Variants in SASH1 observed in about 807,000 individuals in gnomAD.
SASH1 encodes SAM and SH3 domain containing 1, also known as SAM and SH3 domain-containing protein 1.
Under a neutral mutation model 125.2 loss-of-function variants are expected in SASH1, and 44 were observed. The observed-to-expected ratio is 0.35, with a 90% CI of 0.28 to 0.45. The LOEUF (loss-of-function observed/expected upper bound fraction) is 0.45. Ranked by LOEUF, SASH1 falls within the 20% of genes least tolerant of loss-of-function variation. The probability of loss-of-function intolerance (pLI) is 1.00; values close to 1 mark genes in which losing one functional copy is unlikely to be tolerated. For missense variants in SASH1, 1,426 were observed against 1,614.5 expected (o/e 0.88, Z 2.00); for synonymous variants, 639 against 649.1 (o/e 0.98, Z 0.24).
At chr6:148,273,557 G>C (rs1299792263) in intron 1 of SASH1, among the ~76,000 whole-genome samples, 1 of 151,346 alleles carries the variant, frequency 6.6e-6, no homozygotes, top group Non-Finnish European at 1.5e-5. Flanking sequence ...GCCTCCCAAA[G>C]TGCTGGGATT....
chr6:148,437,135 G>A (rs984117620), intron 2 of SASH1, among the ~76,000 whole-genome samples: 2 of 152,154 alleles, frequency 1.3e-5, no homozygotes, highest in Non-Finnish European at 2.9e-5. Flanking sequence ...TTACTCTTCT[G>A]CTCTTTTGTC....
In SASH1 at chr6:148,311,027, C is replaced by T. The variant is rs140193271; in HGVS notation, n.74+38650C>T. ...CTCCTGGGCTCAAGTGATCCTCCGG[C>T]CTCAGCCTCCTGAATAGCTGGGATT... On this transcript the variant is annotated intron_variant and non_coding_transcript_variant, in intron 1 of 3. Coordinates refer to the SASH1 transcript ENST00000367469. Among the ~76,000 whole-genome samples, 16 of 152,254 alleles carry T rather than the reference C, an allele frequency of 1.1e-4. No homozygotes were observed. The East Asian group carries it at 3.1e-3, about 29-fold the overall frequency.
chr6:148,354,732 C>T (rs1314256575), intron 1 of SASH1, among the ~76,000 whole-genome samples: 2 of 152,220 alleles, frequency 1.3e-5, no homozygotes, highest in African/African-American at 4.8e-5. Flanking sequence ...AACTATAAGC[C>T]TGTAATGAAT....
intron 8 of SASH1, among the ~76,000 whole-genome samples, chr6:148,490,028 A>C (rs866289472): frequency 0.02 from 2,972 of 145,588 alleles, 120 homozygotes; most frequent in African/African-American, 0.071. Context: ...AAAAAAAAAA[A>C]AAAAACAAGA....
chr6:148,226,889 G>A, the SASH1 span, among the ~76,000 whole-genome samples: 47 of 152,242 alleles, frequency 3.1e-4, no homozygotes, highest in Non-Finnish European at 5.9e-4. Context: ...CAACACTCAC[G>A]ATCAAAGACA....
intron 1 of SASH1, among the ~76,000 whole-genome samples, chr6:148,374,659 A>G (rs1320392941): frequency 6.6e-6 from 1 of 150,966 alleles, no homozygotes; most frequent in African/African-American, 2.4e-5. Flanking sequence ...GTTCTTTTCA[A>G]ACTTAAATTT....
At chr6:148,420,909 C>T (rs1315659194) in intron 2 of SASH1, among the ~76,000 whole-genome samples, 1 of 151,780 alleles carries the variant, frequency 6.6e-6, no homozygotes, top group Non-Finnish European at 1.5e-5. Context: ...GGCAAAACCC[C>T]GTCTCTATTA....
At chr6:148,492,281 TA>T (rs1779139166) in intron 8 of SASH1, among the ~76,000 whole-genome samples, 1 of 152,258 alleles carries the variant, frequency 6.6e-6, no homozygotes, top group East Asian at 1.9e-4. Context: ...AGCATTGGTT[TA>T]TGAGACCCCT....
intron 2 of SASH1, among the ~76,000 whole-genome samples, chr6:148,429,254 C>T (rs748417806): frequency 3.3e-5 from 5 of 151,908 alleles, no homozygotes; most frequent in Admixed American, 6.6e-5. Context: ...GGCATGGTAG[C>T]ACATACCTGT....
At chr6:148,359,231 T>A (rs1392825094) in intron 1 of SASH1, among the ~76,000 whole-genome samples, 1 of 151,850 alleles carries the variant, frequency 6.6e-6, no homozygotes, top group African/African-American at 2.4e-5. Flanking sequence ...CCATCTCAGC[T>A]CACTGTAACC....
chr6:148,302,791 T>C (rs747568911), intron 1 of SASH1, among the ~76,000 whole-genome samples: 1 of 147,958 alleles, frequency 6.8e-6, no homozygotes, highest in African/African-American at 2.5e-5. Context: ...TATGTGTGTG[T>C]GTATATATTC....
At chr6:148,357,722 G>T (rs1186243106) in intron 1 of SASH1, among the ~76,000 whole-genome samples, 3 of 152,024 alleles carry the variant, frequency 2.0e-5, no homozygotes, top group Non-Finnish European at 4.4e-5. Context: ...AAATAGAAAG[G>T]CCTACTTCCA....
At chr6:148,457,131 C>G (rs1041599010) in intron 4 of SASH1, among the ~76,000 whole-genome samples, 2 of 149,874 alleles carry the variant, frequency 1.3e-5, no homozygotes, top group African/African-American at 2.4e-5. Context: ...TTTGTTTTTA[C>G]TGGTTAGATC....
chr6:148,339,362 G>A (rs1216082577), upstream of SASH1, among the ~76,000 whole-genome samples: 4 of 151,250 alleles, frequency 2.6e-5, no homozygotes, highest in Non-Finnish European at 5.9e-5. Context: ...CACATTCTAT[G>A]TATAGGCATC....
At chr6:148,377,274 A>G (rs1192687601) in intron 1 of SASH1, among the ~76,000 whole-genome samples, 1 of 152,072 alleles carries the variant, frequency 6.6e-6, no homozygotes, top group African/African-American at 2.4e-5. Context: ...AACCAGTGGC[A>G]TTCCTCCTGG....
chr6:148,457,597 TGAG>T, intron 4 of SASH1, among the ~76,000 whole-genome samples: 1 of 152,302 alleles, frequency 6.6e-6, no homozygotes, highest in East Asian at 1.9e-4. Context: ...TGAAATACGA[TGAG>T]ATTTATGAAT....
the SASH1 span, among the ~76,000 whole-genome samples, chr6:148,245,882 G>A: frequency 2.0e-5 from 3 of 152,004 alleles, no homozygotes; most frequent in South Asian, 2.1e-4. Context: ...CCAGCTACTC[G>A]GGAGGCTGAG....
intron 1 of SASH1, among the ~76,000 whole-genome samples, chr6:148,321,740 C>G (rs1489708302): frequency 6.6e-6 from 1 of 152,114 alleles, no homozygotes; most frequent in African/African-American, 2.4e-5. Flanking sequence ...AACTGAAATC[C>G]ATCGAAGATG....
At chr6:148,290,713 G>A (rs1256161835) in intron 1 of SASH1, among the ~76,000 whole-genome samples, 1 of 133,558 alleles carries the variant, frequency 7.5e-6, no homozygotes, top group African/African-American at 3.0e-5. Flanking sequence ...CAAGTACCCA[G>A]GGACACAAAC....
Sources: allele counts gnomAD v4.1 joint callset (sites outside exome capture counted in the v4.1 genomes callset), GRCh38; gene constraint gnomAD v4.1.1; transcripts MANE v1.5; gene names NCBI Gene and HGNC (gene_info 2026-07-23, HGNC 2026-07-21).